Variants in DPYD observed in about 807,000 individuals in gnomAD.
DPYD encodes the protein dihydropyrimidine dehydrogenase [NADP(+)].
In DPYD, 109 loss-of-function variants were observed where a neutral mutation model predicts 116.2. That is an observed-to-expected ratio of 0.94 (90% confidence interval 0.80 to 1.10). The LOEUF is 1.10. Ranked by LOEUF, DPYD falls within the 50% of genes least tolerant of loss-of-function variation. DPYD has a pLI of 0.00. For missense variants in DPYD, 1,302 were observed against 1,254.5 expected, an observed-to-expected ratio of 1.04 and a Z score of -0.57; for synonymous variants, 440 against 432.0, an observed-to-expected ratio of 1.02 and a Z score of -0.23.
chr1:97,656,459 G>C (rs530828409), intron 8 of DPYD, among the ~76,000 whole-genome samples: 2 of 152,024 alleles, frequency 1.3e-5, no homozygotes, highest in South Asian at 4.1e-4. Context: ...ACAGCTACCT[G>C]GTACTACCAA....
At chr1:97,137,709 C>T (rs1051985268) in intron 20 of DPYD, among the ~76,000 whole-genome samples, 5 of 152,100 alleles carry the variant, frequency 3.3e-5, no homozygotes, top group Non-Finnish European at 7.4e-5. Flanking sequence ...ACTCAAGATG[C>T]GCTGCAAGCA....
At chr1:97,273,584 T>C (rs1014299867) in intron 18 of DPYD, among the ~76,000 whole-genome samples, 12 of 152,186 alleles carry the variant, frequency 7.9e-5, no homozygotes, top group African/African-American at 2.4e-4. Context: ...GGTAAGCTAT[T>C]TATAAATTGG....
intron 14 of DPYD, among the ~76,000 whole-genome samples, chr1:97,429,366 C>T (rs895992456): frequency 1.3e-5 from 2 of 152,036 alleles, no homozygotes; most frequent in African/African-American, 4.8e-5. Flanking sequence ...AATAGTGTAT[C>T]TGTAAATAAA....
chr1:97,375,982 A>G (rs1270388442), intron 15 of DPYD, among the ~76,000 whole-genome samples: 1 of 152,234 alleles, frequency 6.6e-6, no homozygotes, highest in South Asian at 2.1e-4. Context: ...CCTAGCTACC[A>G]TATTACACAA....
intron 18 of DPYD, among the ~76,000 whole-genome samples, chr1:97,289,802 A>G (rs1243368122): frequency 2.0e-5 from 3 of 150,716 alleles, no homozygotes; most frequent in Admixed American, 6.6e-5. Context: ...CTCTCTCGCC[A>G]CTCCTATTCA....
rs138995962 is a variant in DPYD, at chr1:97,244,210, A to G, written c.2300-9216T>C. 2.1e-3 allele frequency among the ~76,000 whole-genome samples: 321 copies of G among 152,156 alleles called. 3 individuals are homozygous for G. The highest frequency in any genetic ancestry group is 3.5e-3 in the Non-Finnish European group (240 of 67,908). On this transcript the variant is annotated intron_variant, in intron 18 of 22. Coordinates refer to ENST00000370192, the MANE Select transcript of DPYD (RefSeq NM_000110.4). ...GCATTTTCAATACTGTCATCTTCAGATAATTAGCAATTTATTTAAATAACC... is the reference window on the plus strand; with the variant it reads ...GCATTTTCAATACTGTCATCTTCAGGTAATTAGCAATTTATTTAAATAACC...
intron 5 of DPYD, among the ~76,000 whole-genome samples, chr1:97,708,445 G>T (rs971863420): frequency 2.1e-4 from 32 of 152,136 alleles, no homozygotes; most frequent in African/African-American, 7.5e-4. Context: ...TTTTGTCAAA[G>T]ATAAGTTGGC....
chr1:97,823,328 G>A (rs935226793), intron 3 of DPYD, among the ~76,000 whole-genome samples: 1 of 151,964 alleles, frequency 6.6e-6, no homozygotes, highest in Non-Finnish European at 1.5e-5. Flanking sequence ...CTAATTTTTT[G>A]CATATTTAGT....
At chr1:97,841,226 A>G (rs1670021332) in intron 2 of DPYD, among the ~76,000 whole-genome samples, 1 of 152,096 alleles carries the variant, frequency 6.6e-6, no homozygotes, top group Non-Finnish European at 1.5e-5. Context: ...CAGATAATTT[A>G]CATGTGATGA....
In DPYD at chr1:97,098,718, A is replaced by G. The variant is rs1324340031; in HGVS notation, c.2623-86T>C. On this transcript the variant is annotated intron_variant, in intron 20 of 22. Transcript: ENST00000370192. The stretch of plus-strand genomic sequence containing the variant: ...ATATAAACATATAAATATTATCAAC[A>G]AACAAATGTGTGTCTAGGGATTGTT... The G allele has an allele frequency of 2.7e-6, 4 of 1,469,252 alleles. No individual in the cohort carries two copies. The African/African-American group carries it at 5.6e-5, about 21-fold the overall frequency. 91.0% of individuals were successfully genotyped at this position (1,469,252 alleles called of 1,614,324 possible).
intron 20 of DPYD, among the ~76,000 whole-genome samples, chr1:97,150,677 A>T (rs1285426874): frequency 2.0e-5 from 3 of 152,154 alleles, no homozygotes; most frequent in Non-Finnish European, 4.4e-5. Context: ...TCACTGCATC[A>T]TCTGCTTTCA....
intron 19 of DPYD, among the ~76,000 whole-genome samples, chr1:97,208,279 TTC>T (rs937857846): frequency 1.3e-5 from 2 of 151,326 alleles, no homozygotes; most frequent in African/African-American, 4.9e-5. Flanking sequence ...TCTTTCTTCT[TTC>T]TCTCTCTCTT....
intron 20 of DPYD, among the ~76,000 whole-genome samples, chr1:97,177,985 T>C (rs1195955842): frequency 1.3e-5 from 2 of 152,110 alleles, no homozygotes; most frequent in East Asian, 1.9e-4. Context: ...CTGGGGTCCC[T>C]TTTATAAGGA....
At chr1:97,745,366 T>C (rs1664493386) in intron 3 of DPYD, among the ~76,000 whole-genome samples, 1 of 152,128 alleles carries the variant, frequency 6.6e-6, no homozygotes, top group Non-Finnish European at 1.5e-5. Flanking sequence ...TAATTTTAAA[T>C]AGCTATTTAT....
chr1:97,615,998 C>A (rs1656244956), intron 8 of DPYD, among the ~76,000 whole-genome samples: 1 of 152,040 alleles, frequency 6.6e-6, no homozygotes, highest in Non-Finnish European at 1.5e-5. Flanking sequence ...TACGTTAACT[C>A]CTCTGAGAAG....
chr1:97,510,688 G>GT (rs1391164013), intron 13 of DPYD, among the ~76,000 whole-genome samples: 1 of 151,950 alleles, frequency 6.6e-6, no homozygotes, highest in African/African-American at 2.4e-5. Flanking sequence ...TTGTAATGTG[G>GT]TTTTGCACTT....
At chr1:97,115,907 A>G (rs1193153795) in intron 20 of DPYD, among the ~76,000 whole-genome samples, 1 of 152,170 alleles carries the variant, frequency 6.6e-6, no homozygotes, top group Non-Finnish European at 1.5e-5. Context: ...CATTCAGTTC[A>G]GCAAAGCACT....
intron 2 of DPYD, among the ~76,000 whole-genome samples, chr1:97,866,332 AG>A (rs1671375895): frequency 6.6e-6 from 1 of 151,940 alleles, no homozygotes; most frequent in South Asian, 2.1e-4. Context: ...TTAATGAGTT[AG>A]AGGTATGACA....
At chr1:97,254,896 G>A (rs749929816) in intron 18 of DPYD, among the ~76,000 whole-genome samples, 3 of 152,110 alleles carry the variant, frequency 2.0e-5, no homozygotes, top group Non-Finnish European at 4.4e-5. Flanking sequence ...AGATAAAACC[G>A]AAGTTTTGAT....
Sources: gnomAD v4.1 joint callset for allele counts (sites outside exome capture counted in the v4.1 genomes callset) on GRCh38, gnomAD v4.1.1 for gene constraint, MANE v1.5 for transcripts, NCBI Gene and HGNC (gene_info 2026-07-23, HGNC 2026-07-21) for gene names.